TMEM117: variants seen among roughly 807,000 people sequenced by gnomAD.
TMEM117 encodes transmembrane protein 117.
A neutral mutation model predicts 52.4 loss-of-function variants in TMEM117; 27 were observed. That is an observed-to-expected ratio of 0.51 (90% CI 0.38 to 0.71). The LOEUF (loss-of-function observed/expected upper bound fraction) is 0.71, where lower values mean the gene tolerates loss of function less well. Ranked by LOEUF, TMEM117 falls within the 30% of genes least tolerant of loss-of-function variation. TMEM117 has a pLI of 0.00. For synonymous variants in TMEM117, 215 were observed against 206.3 expected, an observed-to-expected ratio of 1.04 and a Z score of -0.36; for missense variants, 556 against 630.5, an observed-to-expected ratio of 0.88 and a Z score of 1.26.
At chr12:44,115,014 A>G (rs767939018) in intron 3 of TMEM117, among the ~76,000 whole-genome samples, 7 of 152,218 alleles carry the variant, frequency 4.6e-5, no homozygotes, top group Non-Finnish European at 1.0e-4. Flanking sequence ...ACCGTAAATC[A>G]TATATAATTT....
the TMEM117 span, among the ~76,000 whole-genome samples, chr12:43,803,439 A>C: frequency 6.6e-6 from 1 of 152,156 alleles, no homozygotes; most frequent in East Asian, 1.9e-4. Context: ...ATAAAATGTT[A>C]GCAGTTATTA....
chr12:43,860,957 C>T (rs1943478837), intron 2 of TMEM117, among the ~76,000 whole-genome samples: 1 of 152,120 alleles, frequency 6.6e-6, no homozygotes, highest in Admixed American at 6.5e-5. Flanking sequence ...AGTTCCTTTA[C>T]TCTTCTCAGC....
At chr12:43,946,868 C>CT (rs1945142084) in intron 3 of TMEM117, among the ~76,000 whole-genome samples, 1 of 152,164 alleles carries the variant, frequency 6.6e-6, no homozygotes, top group Non-Finnish European at 1.5e-5. Flanking sequence ...TGAAAGTGGT[C>CT]TTTTTTATTC....
At chr12:43,865,826 A>G (rs946941469) in intron 2 of TMEM117, among the ~76,000 whole-genome samples, 3 of 151,970 alleles carry the variant, frequency 2.0e-5, no homozygotes, top group African/African-American at 7.3e-5. Context: ...TAGCCAAATC[A>G]GGCCTTCACC....
intron 3 of TMEM117, among the ~76,000 whole-genome samples, chr12:44,003,145 C>G (rs1432636412): frequency 1.3e-5 from 2 of 152,214 alleles, no homozygotes; most frequent in Non-Finnish European, 2.9e-5. Flanking sequence ...TCCTCCTCTA[C>G]TGCCCTGGGA....
At chr12:44,186,142 A>T (rs929562959) in intron 4 of TMEM117, among the ~76,000 whole-genome samples, 1 of 152,174 alleles carries the variant, frequency 6.6e-6, no homozygotes, top group Non-Finnish European at 1.5e-5. Flanking sequence ...CAAAACCTCC[A>T]CTTTTGTGAA....
intron 3 of TMEM117, among the ~76,000 whole-genome samples, chr12:43,956,500 C>CAAAAAAAAAAAA (rs57544750): frequency 1.2e-5 from 1 of 83,546 alleles, no homozygotes; most frequent in Non-Finnish European, 2.3e-5. Flanking sequence ...AGACACTTCT[C>CAAAAAAAAAAAA]AAAAAAAAAA....
chr12:43,904,263 A>G (rs1406787873), intron 2 of TMEM117, among the ~76,000 whole-genome samples: 1 of 152,102 alleles, frequency 6.6e-6, no homozygotes, highest in East Asian at 1.9e-4. Flanking sequence ...TAATCCCAGA[A>G]CTTTGTAGGC....
the TMEM117 span, chr12:43,806,288 A>G: frequency 4.8e-6 from 7 of 1,455,558 alleles, no homozygotes; most frequent in South Asian, 1.3e-5. Context: ...GAGTGCAGCC[A>G]GCGGCCCCGG....
intron 2 of TMEM117, among the ~76,000 whole-genome samples, chr12:43,917,054 G>A (rs1944616170): frequency 6.7e-6 from 1 of 150,278 alleles, no homozygotes; most frequent in Non-Finnish European, 1.5e-5. Flanking sequence ...GATGTGATGA[G>A]TTACATGCAG....
At chr12:44,046,755 C>T (rs1946886871) in intron 3 of TMEM117, among the ~76,000 whole-genome samples, 1 of 152,154 alleles carries the variant, frequency 6.6e-6, no homozygotes, top group Non-Finnish European at 1.5e-5. Context: ...TATAGACTTG[C>T]ACTAAGAAAA....
chr12:44,117,270 A>G (rs1366319902), intron 3 of TMEM117, among the ~76,000 whole-genome samples: 1 of 152,110 alleles, frequency 6.6e-6, no homozygotes, highest in Non-Finnish European at 1.5e-5. Context: ...TTTCTTAGCT[A>G]TACTGACTCA....
intron 3 of TMEM117, among the ~76,000 whole-genome samples, chr12:44,093,099 A>G (rs1947701407): frequency 6.6e-6 from 1 of 152,102 alleles, no homozygotes; most frequent in Non-Finnish European, 1.5e-5. Context: ...AAAGTTTGAG[A>G]TGAGCATGGT....
At position 44,389,360 on chromosome 12, in the gene TMEM117, T is replaced by C. The variant is rs1415123910; in HGVS notation, c.*688T>C. The C allele has an allele frequency of 1.3e-5, 2 of 152,590 alleles. No individual in the cohort carries two copies. 9.5% of individuals were successfully genotyped at this position (152,590 alleles called of 1,614,324 possible). On this transcript the variant is annotated 3_prime_UTR_variant, in exon 8 of 8. Coordinates refer to ENST00000266534, the MANE Select transcript of TMEM117 (RefSeq NM_032256.3). ...GTGATGATACCTAATTATGTTTTCC[T>C]AATTAAAGATAAATTGCTACTTGAT...
chr12:44,210,588 AAAGCATAT>A (rs1460430135), intron 4 of TMEM117, among the ~76,000 whole-genome samples: 1 of 152,162 alleles, frequency 6.6e-6, no homozygotes, highest in Non-Finnish European at 1.5e-5. Context: ...AAGAGAGAAA[AAAGCATAT>A]AAGTAAGTAA....
chr12:44,106,266 C>T (rs1322052590), intron 3 of TMEM117, among the ~76,000 whole-genome samples: 1 of 151,928 alleles, frequency 6.6e-6, no homozygotes, highest in African/African-American at 2.4e-5. Context: ...AAAGAGGAGC[C>T]TGGTGAACTG....
intron 7 of TMEM117, among the ~76,000 whole-genome samples, chr12:44,378,151 G>A (rs1951968577): frequency 6.6e-6 from 1 of 151,888 alleles, no homozygotes; most frequent in South Asian, 2.1e-4. Flanking sequence ...ACCAGCTCTT[G>A]TCCCAGGCCA....
intron 3 of TMEM117, among the ~76,000 whole-genome samples, chr12:43,953,863 C>T (rs1327040096): frequency 1.3e-5 from 2 of 152,128 alleles, no homozygotes; most frequent in Admixed American, 1.3e-4. Flanking sequence ...TTTGTTTTAG[C>T]ACCACATGGC....
At chr12:43,942,253 A>G (rs1267490744) in intron 2 of TMEM117, among the ~76,000 whole-genome samples, 1 of 152,206 alleles carries the variant, frequency 6.6e-6, no homozygotes, top group Non-Finnish European at 1.5e-5. Context: ...TGTGTCTGGC[A>G]TGTAATAGGC....
Sources: gnomAD v4.1 joint callset for allele counts (sites outside exome capture counted in the v4.1 genomes callset) on GRCh38, gnomAD v4.1.1 for gene constraint, MANE v1.5 for transcripts, NCBI Gene and HGNC (gene_info 2026-07-23, HGNC 2026-07-21) for gene names.